MAPK8IP3: variants seen among roughly 807,000 people sequenced by gnomAD.
The protein encoded by MAPK8IP3 is mitogen-activated protein kinase 8 interacting protein 3.
MAPK8IP3 carries 49 observed loss-of-function variants against 157.8 expected under a neutral mutation model. The observed-to-expected ratio is 0.31, with a 90% CI of 0.25 to 0.39. MAPK8IP3 has a LOEUF of 0.39. MAPK8IP3 is among the 10% of genes least tolerant of loss of function. The probability of loss-of-function intolerance (pLI) is 1.00; values close to 1 mark genes in which losing one functional copy is unlikely to be tolerated. For synonymous variants in MAPK8IP3, 897 were observed against 777.7 expected (o/e 1.15, Z -2.55); for missense variants, 1,478 against 1,889.4 (o/e 0.78, Z 4.04).
At position 1,742,897 on chromosome 16, in the gene MAPK8IP3, C is replaced by T. The variant is rs993349812; in HGVS notation, c.603-435C>T. ...CAGCACTGTGGGAGGCCGAGGCAGG[C>T]GGATCATCAGGTCAGGAGATCGAGA... On this transcript the variant is annotated intron_variant, in intron 4 of 31. Transcript: ENST00000610761. The surrounding 1 kb of genome is among the most constrained non-coding windows in gnomAD (Gnocchi z 5.0). Among the ~76,000 whole-genome samples, 3 of 151,898 alleles carry T rather than the reference C, an allele frequency of 2.0e-5. No homozygotes were observed. Among genetic ancestry groups the T allele is most frequent in the Non-Finnish European group, 4.4e-5 (3 of 67,992 alleles).
chr16:1,720,815 A>G (rs2038465291), intron 1 of MAPK8IP3, among the ~76,000 whole-genome samples: 1 of 152,046 alleles, frequency 6.6e-6, no homozygotes, highest in African/African-American at 2.4e-5. Flanking sequence ...CAGGCGGATC[A>G]CGAGGTCAGG....
chr16:1,767,623 C>G lies in MAPK8IP3; in HGVS notation c.3297C>G (p.Gly1099=). Residue 1099 remains glycine (G), a synonymous_variant, in exon 27 of 32, where the codon GGC becomes GGG. Transcript: ENST00000610761. ...AGGTGCGGCAGCTGGCGTGGATCGG[C>G]GATGGCGTATGGGTGTCCATCCGCC... ...ESQVRQLAWI[G]DGVWVSIRLD... 6.2e-7 allele frequency: 1 copy of G among 1,612,550 alleles called. No homozygotes were observed. Among genetic ancestry groups the G allele is most frequent in the Non-Finnish European group, 8.5e-7 (1 of 1,179,972 alleles).
At chr16:1,754,799 C>G (rs939774507) in intron 8 of MAPK8IP3, among the ~76,000 whole-genome samples, 4 of 151,820 alleles carry the variant, frequency 2.6e-5, no homozygotes, top group Non-Finnish European at 5.9e-5. Context: ...CACAAATAAC[C>G]TTGAGAAAAG....
At chr16:1,753,344 T>C (rs2041404174) in intron 8 of MAPK8IP3, among the ~76,000 whole-genome samples, 1 of 152,162 alleles carries the variant, frequency 6.6e-6, no homozygotes, top group South Asian at 2.1e-4. Context: ...GGTCTCAAAC[T>C]CCTAGACTCA....
chr16:1,706,402 C>G lies in MAPK8IP3; in HGVS notation c.63C>G (p.Ser21=). The G allele has an allele frequency of 6.2e-7, 1 of 1,613,318 alleles. No individual in the cohort carries two copies. Among genetic ancestry groups the G allele is most frequent in the Admixed American group, 1.7e-5 (1 of 59,988 alleles). The change falls in exon 1 of 32, where the codon TCC becomes TCG. Residue 21 remains serine, a synonymous_variant. Transcript: ENST00000610761. The surrounding 1 kb of genome is among the most constrained non-coding windows in gnomAD (Gnocchi z 5.1). The part of the protein sequence containing the change: ...GVVVYQDDYC[S]GSVMSERVSG... ...TGGTGTACCAGGACGACTACTGCTCCGGCTCGGTGATGTCGGAGCGGGTGT... is the reference window on the plus strand; with the variant it reads ...TGGTGTACCAGGACGACTACTGCTCGGGCTCGGTGATGTCGGAGCGGGTGT...
rs747125500 is a variant in MAPK8IP3, at chr16:1,724,544, C to T, written c.319-13C>T. 3.1e-6 allele frequency: 5 copies of T among 1,612,434 alleles called. No individual in the cohort carries two copies. Among genetic ancestry groups the T allele is most frequent in the South Asian group, 2.2e-5 (2 of 91,052 alleles). Reference sequence around the variant, plus strand: ...CTCCTGATGACTGCTCTTTCCCTCCCTTCCATGCACAGAAATTCATTGAGT... The same window carrying T: ...CTCCTGATGACTGCTCTTTCCCTCCTTTCCATGCACAGAAATTCATTGAGT... On this transcript the variant is annotated splice_polypyrimidine_tract_variant and intron_variant, in intron 1 of 31. Coordinates refer to ENST00000610761, the MANE Select transcript of MAPK8IP3 (RefSeq NM_001318852.2). The surrounding 1 kb of genome is among the most constrained non-coding windows in gnomAD (Gnocchi z 4.1).
intron 17 of MAPK8IP3, 127 bp downstream of exon 17, chr16:1,763,910 G>T (rs1415028596): frequency 2.1e-6 from 2 of 966,536 alleles, no homozygotes; most frequent in Non-Finnish European, 2.9e-6. Flanking sequence ...GGCGGGTGGG[G>T]CGGGGCCTGG....
chr16:1,729,694 C>T (rs12920634), intron 4 of MAPK8IP3, 116 bp downstream of exon 4: 94,245 of 958,014 alleles, frequency 0.098, 4,718 homozygotes, highest in African/African-American at 0.11. Context: ...GGGCTCAGGA[C>T]GACAGGGAAC....
In MAPK8IP3 at chr16:1,768,390, C is replaced by A; in HGVS notation, c.3742+12C>A. 2 of 1,598,126 alleles carry A rather than the reference C, an allele frequency of 1.3e-6. No homozygotes were observed. Among genetic ancestry groups the A allele is most frequent in the Non-Finnish European group, 1.7e-6 (2 of 1,178,678 alleles). On this transcript the variant is annotated intron_variant, in intron 30 of 31. Coordinates refer to ENST00000610761, the MANE Select transcript of MAPK8IP3 (RefSeq NM_001318852.2). ...TGTCTCGGTGCCAGGTGAGGCTGGG[C>A]CCCTCCTGCCATCCACATCCCCTGC... is the stretch of plus-strand genomic sequence containing the variant.
At position 1,764,440 on chromosome 16, in the gene MAPK8IP3, C is replaced by A; in HGVS notation, c.2261C>A (p.Thr754Lys). The change falls in exon 19 of 32, where the codon ACG becomes AAG. Residue 754 changes from threonine to lysine, a missense_variant. Around this residue, in one of 11 missense-constraint regions of MAPK8IP3, gnomAD observed 669 missense variants for 759.8 expected, o/e 0.88. Coordinates refer to ENST00000610761, the MANE Select transcript of MAPK8IP3 (RefSeq NM_001318852.2). The part of the protein sequence containing the change: ...EGDGEPKSAH[T>K]SPEKKKAKEL... ...GACGGCGAGCCCAAGAGCGCCCACA[C>A]GTCTCCCGAGAAGAAGAAGGTGAGC... 1.9e-6 allele frequency: 3 copies of A among 1,608,138 alleles called. No homozygotes were observed. In the South Asian group the frequency reaches 3.3e-5, roughly 18 times the overall value.
intron 11 of MAPK8IP3, 104 bp from the exon 12 acceptor site, chr16:1,760,276 G>T (rs1187818930): frequency 1.4e-6 from 2 of 1,440,850 alleles, no homozygotes; most frequent in African/African-American, 2.8e-5. Flanking sequence ...TTCCTAACCA[G>T]GCTGTGCCTT....
intron 20 of MAPK8IP3, among the ~76,000 whole-genome samples, chr16:1,765,664 C>G (rs1215372909): frequency 1.3e-5 from 2 of 152,190 alleles, no homozygotes; most frequent in African/African-American, 4.8e-5. Flanking sequence ...ACCACAGGGC[C>G]GTCTGGGGTC....
intron 16 of MAPK8IP3, 62 bp downstream of exon 16, chr16:1,763,068 GCTCCTCCC>G: frequency 6.3e-7 from 1 of 1,593,388 alleles, no homozygotes; most frequent in Non-Finnish European, 8.6e-7. Flanking sequence ...CTGTCCTGAG[GCTCCTCCC>G]CTCCAGGCCC....
chr16:1,717,468 A>C (rs1032361114), intron 1 of MAPK8IP3, among the ~76,000 whole-genome samples: 2 of 152,102 alleles, frequency 1.3e-5, no homozygotes, highest in Admixed American at 1.3e-4. Flanking sequence ...TTGTAATCTC[A>C]AGTCATTGCT....
chr16:1,748,753 C>T (rs369249902), intron 8 of MAPK8IP3, 33 bp downstream of exon 8: 1 of 1,544,260 alleles, frequency 6.5e-7, no homozygotes, highest in Non-Finnish European at 9.0e-7. Flanking sequence ...ACCGCTGTGC[C>T]TGCACAATGC....
chr16:1,737,749 C>T (rs1285782515), intron 4 of MAPK8IP3, among the ~76,000 whole-genome samples: 2 of 37,170 alleles, frequency 5.4e-5, no homozygotes, highest in East Asian at 3.3e-3. Context: ...TGAGCGTGAC[C>T]ATCCGTGTGT....
chr16:1,746,135 C>G (rs977916685), intron 5 of MAPK8IP3: 2 of 152,248 alleles, frequency 1.3e-5, no homozygotes, highest in African/African-American at 4.8e-5. Flanking sequence ...CCTCTGAGGC[C>G]TTGCACTTTC....
At chr16:1,715,764 T>C (rs1210587122) in intron 1 of MAPK8IP3, among the ~76,000 whole-genome samples, 1 of 151,812 alleles carries the variant, frequency 6.6e-6, no homozygotes, top group Non-Finnish European at 1.5e-5. Context: ...AGTCTCACTC[T>C]GTCGCCTAGG....
In MAPK8IP3 at chr16:1,747,286, A is replaced by G. The variant is rs373287991; in HGVS notation, c.994+11A>G. ...GCAACGTCAGTATAGGTGGGTGCCC[A>G]CCTCCGGGACTCTGGGCTCCCTCGG... is the stretch of plus-strand genomic sequence containing the variant. On this transcript the variant is annotated intron_variant, in intron 6 of 31. Transcript: ENST00000610761. 4.4e-6 allele frequency: 7 copies of G among 1,608,116 alleles called. No individual in the cohort carries two copies. In the African/African-American group the frequency reaches 6.7e-5, roughly 15 times the overall value.
Sources: gnomAD v4.1 joint callset for allele counts (sites outside exome capture counted in the v4.1 genomes callset) on GRCh38, gnomAD v4.1.1 for gene constraint, gnomAD v4.1.1 regional missense constraint, Gnocchi (gnomAD v3.1) non-coding constraint, MANE v1.5 for transcripts, NCBI Gene and HGNC (gene_info 2026-07-23, HGNC 2026-07-21) for gene names.